ZCCHC7: variants seen among roughly 807,000 people sequenced by gnomAD.
ZCCHC7 encodes zinc finger CCHC-type containing 7.
In ZCCHC7, 35 loss-of-function variants were observed where a neutral mutation model predicts 52.0. That is an observed-to-expected ratio of 0.67 (90% CI 0.51 to 0.89). The LOEUF (loss-of-function observed/expected upper bound fraction) is 0.89, where lower values mean the gene tolerates loss of function less well. Among genes scored for constraint, ZCCHC7 ranks in the 40% least tolerant of loss-of-function variants. The probability of loss-of-function intolerance (pLI) is 0.00; values close to 1 mark genes in which losing one functional copy is unlikely to be tolerated. For missense variants in ZCCHC7, 574 were observed against 649.1 expected (o/e 0.88, Z 1.26); for synonymous variants, 217 against 221.5 (o/e 0.98, Z 0.18).
intron 2 of ZCCHC7, among the ~76,000 whole-genome samples, chr9:37,231,171 C>T (rs1282028520): frequency 1.3e-5 from 2 of 152,154 alleles, no homozygotes; most frequent in Non-Finnish European, 2.9e-5. Context: ...GTCTTGAACT[C>T]CTGACCTCAA....
intron 2 of ZCCHC7, among the ~76,000 whole-genome samples, chr9:37,178,427 AAAAGG>A (rs1822170739): frequency 7.3e-6 from 1 of 137,748 alleles, no homozygotes; most frequent in South Asian, 2.4e-4. Context: ...AAAAAAAAGG[AAAAGG>A]AAAGAAAAAA....
At chr9:37,272,897 A>T (rs1308350849) in intron 2 of ZCCHC7, among the ~76,000 whole-genome samples, 37 of 152,168 alleles carry the variant, frequency 2.4e-4, no homozygotes, top group Non-Finnish European at 1.5e-5. Flanking sequence ...TTGCACCACC[A>T]ATGTATTCGT....
At chr9:37,306,609 G>T (rs1166704254) in intron 5 of ZCCHC7, among the ~76,000 whole-genome samples, 1 of 150,710 alleles carries the variant, frequency 6.6e-6, no homozygotes, top group Non-Finnish European at 1.5e-5. Flanking sequence ...GGGATTACAG[G>T]CACGTGCCAC....
chr9:37,252,235 T>G (rs543616258), intron 2 of ZCCHC7, among the ~76,000 whole-genome samples: 26 of 152,298 alleles, frequency 1.7e-4, no homozygotes, highest in Non-Finnish European at 3.5e-4. Context: ...TCTTTGTGAT[T>G]TTAAGTAACT....
intron 2 of ZCCHC7, among the ~76,000 whole-genome samples, chr9:37,131,986 C>T (rs544875939): frequency 6.6e-6 from 1 of 152,320 alleles, no homozygotes; most frequent in South Asian, 2.1e-4. Context: ...TTTCTGAGGT[C>T]TGAGCCTCTT....
At chr9:37,294,375 T>C (rs957769655) in intron 2 of ZCCHC7, among the ~76,000 whole-genome samples, 2 of 152,194 alleles carry the variant, frequency 1.3e-5, no homozygotes, top group African/African-American at 4.8e-5. Context: ...GGAAAGGATA[T>C]GACATAAATA....
chr9:37,199,319 T>C (rs1340035568), intron 2 of ZCCHC7, among the ~76,000 whole-genome samples: 5 of 149,396 alleles, frequency 3.3e-5, no homozygotes, highest in Non-Finnish European at 7.4e-5. Flanking sequence ...TTTTTTCTTT[T>C]CTTTCTTCTT....
chr9:37,159,693 C>T (rs1392185863), intron 2 of ZCCHC7, among the ~76,000 whole-genome samples: 2 of 152,172 alleles, frequency 1.3e-5, no homozygotes, highest in East Asian at 3.8e-4. Flanking sequence ...TTTGCTCTTC[C>T]ATTTTGAAGC....
At chr9:37,274,651 A>G (rs1827599197) in intron 2 of ZCCHC7, among the ~76,000 whole-genome samples, 1 of 151,936 alleles carries the variant, frequency 6.6e-6, no homozygotes. Context: ...TAATTTCTTA[A>G]TGGTTCCTCT....
At chr9:37,152,651 TG>T (rs1236491765) in intron 2 of ZCCHC7, among the ~76,000 whole-genome samples, 1 of 152,232 alleles carries the variant, frequency 6.6e-6, no homozygotes, top group Non-Finnish European at 1.5e-5. Context: ...ACTGCATGTA[TG>T]GGTTTTGGGA....
At chr9:37,313,258 C>T (rs1033083956) in intron 5 of ZCCHC7, among the ~76,000 whole-genome samples, 1 of 152,070 alleles carries the variant, frequency 6.6e-6, no homozygotes, top group African/African-American at 2.4e-5. Context: ...ATAGGCTTAC[C>T]AAATGTTTAT....
intron 2 of ZCCHC7, among the ~76,000 whole-genome samples, chr9:37,248,920 G>T (rs1826195419): frequency 6.6e-6 from 1 of 152,172 alleles, no homozygotes; most frequent in African/African-American, 2.4e-5. Flanking sequence ...AACAAGTAAT[G>T]ATGTAAAATT....
chr9:37,155,350 C>T (rs868405113), intron 2 of ZCCHC7, among the ~76,000 whole-genome samples: 85 of 150,040 alleles, frequency 5.7e-4, no homozygotes, highest in African/African-American at 1.8e-3. Context: ...AGCGAGACTC[C>T]GTCTCAAAAA....
At chr9:37,346,007 G>A (rs1211154044) in intron 6 of ZCCHC7, among the ~76,000 whole-genome samples, 1 of 151,872 alleles carries the variant, frequency 6.6e-6, no homozygotes, top group African/African-American at 2.4e-5. Flanking sequence ...TTTGCGTTTG[G>A]GTTTTGTTTT....
intron 2 of ZCCHC7, among the ~76,000 whole-genome samples, chr9:37,138,860 A>G (rs1255044562): frequency 6.6e-6 from 1 of 151,930 alleles, no homozygotes; most frequent in African/African-American, 2.4e-5. Flanking sequence ...TATTGCATAT[A>G]GTGATCACTT....
At chr9:37,349,289 T>C (rs955068641) in intron 6 of ZCCHC7, 68 bp from the exon 7 acceptor site, 1 of 1,531,920 alleles carries the variant, frequency 6.5e-7, no homozygotes. Context: ...TATAAAGCTC[T>C]TTTGGAAAGA....
chr9:37,194,599 T>G (rs991025285), intron 2 of ZCCHC7, among the ~76,000 whole-genome samples: 8 of 152,166 alleles, frequency 5.3e-5, no homozygotes, highest in African/African-American at 1.7e-4. Flanking sequence ...TTAAGTGATG[T>G]ATTGATGATT....
At chr9:37,348,647 G>C (rs1370173873) in intron 6 of ZCCHC7, among the ~76,000 whole-genome samples, 1 of 152,022 alleles carries the variant, frequency 6.6e-6, no homozygotes, top group African/African-American at 2.4e-5. Flanking sequence ...CAAAGTGCTG[G>C]GAGTACAGGT....
intron 7 of ZCCHC7, among the ~76,000 whole-genome samples, chr9:37,350,315 A>T (rs542739088): frequency 6.6e-6 from 1 of 151,854 alleles, no homozygotes; most frequent in East Asian, 1.9e-4. Flanking sequence ...TTTTTTTAGT[A>T]GAAATGAGGT....
Sources: allele counts gnomAD v4.1 joint callset (sites outside exome capture counted in the v4.1 genomes callset), GRCh38; gene constraint gnomAD v4.1.1; transcripts MANE v1.5; gene names NCBI Gene and HGNC (gene_info 2026-07-23, HGNC 2026-07-21).